RAB9B: variants seen among roughly 807,000 people sequenced by gnomAD.
RAB9B encodes the protein ras-related protein Rab-9B.
RAB9B carries 1 observed loss-of-function variant against 8.9 expected under a neutral mutation model. That is an observed-to-expected ratio of 0.11 (90% CI 0.04 to 0.53). RAB9B has a LOEUF of 0.53. RAB9B is among the 20% of genes least tolerant of loss of function. The probability of loss-of-function intolerance (pLI) is 0.93; values close to 1 mark genes in which losing one functional copy is unlikely to be tolerated. For synonymous variants in RAB9B, 63 were observed against 57.0 expected (o/e 1.10, Z -0.47); for missense variants, 82 against 152.9 (o/e 0.54, Z 2.45).
chrX:103,830,739 T>A (rs188548720), intron 1 of RAB9B, among the ~76,000 whole-genome samples: 2 of 111,675 alleles, frequency 1.8e-5, no homozygotes, highest in Admixed American at 9.5e-5. Context: ...CCACAAAGCC[T>A]TATTCAAATT....
At chrX:103,799,227 T>C in the RAB9B span, among the ~76,000 whole-genome samples, 1 of 110,226 alleles carries the variant, frequency 9.1e-6, no homozygotes, top group Non-Finnish European at 1.9e-5. Flanking sequence ...CACACATAGT[T>C]TTCAGCAGCA....
chrX:103,790,408 G>A, the RAB9B span: 1 of 604,103 alleles, frequency 1.7e-6, no homozygotes, highest in Non-Finnish European at 2.9e-6. Context: ...TGCAGAGCAT[G>A]GGTTTTTCCC....
the RAB9B span, among the ~76,000 whole-genome samples, chrX:103,803,571 A>T: frequency 8.9e-6 from 1 of 112,468 alleles, no homozygotes; most frequent in East Asian, 2.8e-4. Context: ...AGTACTTTAC[A>T]TATTTTTATT....
the RAB9B span, among the ~76,000 whole-genome samples, chrX:103,799,125 A>G: frequency 3.7e-5 from 4 of 109,523 alleles, no homozygotes; most frequent in African/African-American, 1.3e-4. Context: ...TATTTAAAGC[A>G]TATGTTTAAT....
chrX:103,787,434 TG>T, the RAB9B span: 2 of 264,321 alleles, frequency 7.6e-6, no homozygotes, highest in South Asian at 1.3e-4. Context: ...AATGTTCCTA[TG>T]GCAAGGAACA....
the RAB9B span, among the ~76,000 whole-genome samples, chrX:103,797,368 C>G: frequency 4.5e-5 from 5 of 112,293 alleles, no homozygotes; most frequent in African/African-American, 6.5e-5. Context: ...TGAGCCACTG[C>G]TCCCAGCCCC....
chrX:103,808,689 G>A, the RAB9B span, among the ~76,000 whole-genome samples: 1 of 112,708 alleles, frequency 8.9e-6, no homozygotes, highest in Non-Finnish European at 1.9e-5. Context: ...AAACTCTGAG[G>A]GCCCACTCTC....
chrX:103,786,042 C>T, the RAB9B span: 15 of 1,038,180 alleles, frequency 1.4e-5, no homozygotes, highest in Non-Finnish European at 1.9e-5. Context: ...TTCATATTGC[C>T]CAAGTTGGAG....
downstream of RAB9B, among the ~76,000 whole-genome samples, chrX:103,817,640 T>G (rs1031473277): frequency 9.1e-5 from 10 of 110,238 alleles, no homozygotes; most frequent in African/African-American, 3.3e-4. Context: ...TATATAAGTT[T>G]AGTCTATGGC....
chrX:103,796,215 C>T, the RAB9B span, among the ~76,000 whole-genome samples: 1 of 112,272 alleles, frequency 8.9e-6, no homozygotes, highest in Non-Finnish European at 1.9e-5. Flanking sequence ...TGGCTCATGC[C>T]TGTAATCCCA....
chrX:103,779,857 G>A, the RAB9B span: 1 of 112,426 alleles, frequency 8.9e-6, no homozygotes, highest in Non-Finnish European at 1.9e-5. Flanking sequence ...AGCCTTGAAA[G>A]CCATCCCCTG....
chrX:103,804,343 C>A, the RAB9B span, among the ~76,000 whole-genome samples: 1 of 112,197 alleles, frequency 8.9e-6, no homozygotes, highest in Admixed American at 9.4e-5. Flanking sequence ...TCAATTCTAT[C>A]CCATTGACCT....
At chrX:103,819,286 A>T (rs1171029109), downstream of RAB9B, among the ~76,000 whole-genome samples, 1 of 112,022 alleles carries the variant, frequency 8.9e-6, no homozygotes, top group Non-Finnish European at 1.9e-5. Context: ...AAAATTCAGG[A>T]GTGTTATAGT....
the RAB9B span, among the ~76,000 whole-genome samples, chrX:103,816,759 A>G: frequency 1.8e-5 from 2 of 112,384 alleles, no homozygotes; most frequent in African/African-American, 6.5e-5. Flanking sequence ...ACCCCATCAA[A>G]AAGTGGGTGA....
At chrX:103,828,699 C>T (rs1324300764) in intron 1 of RAB9B, among the ~76,000 whole-genome samples, 1 of 112,099 alleles carries the variant, frequency 8.9e-6, no homozygotes, top group Non-Finnish European at 1.9e-5. Context: ...AAACCAAATG[C>T]TCAGCTCCAG....
the RAB9B span, chrX:103,791,951 T>C: frequency 8.9e-6 from 1 of 112,065 alleles, no homozygotes; most frequent in African/African-American, 3.2e-5. Context: ...TGTTAAGAGT[T>C]AGGTTTAACA....
At chrX:103,776,989 C>T in the RAB9B span, 5 of 1,203,541 alleles carry the variant, frequency 4.2e-6, no homozygotes, top group Admixed American at 2.2e-5. Flanking sequence ...GTCAGAGTCC[C>T]AAAGACATGG....
the RAB9B span, chrX:103,791,916 T>G: frequency 8.9e-6 from 1 of 112,344 alleles, no homozygotes; most frequent in Non-Finnish European, 1.9e-5. Flanking sequence ...GGAAAATGAT[T>G]TTACTTAGCA....
chrX:103,806,995 G>A, the RAB9B span, among the ~76,000 whole-genome samples: 228 of 111,931 alleles, frequency 2.0e-3, 2 homozygotes, highest in East Asian at 0.023. Context: ...ATGGGGCAGG[G>A]AGGGGGCGGT....
Sources: gnomAD v4.1 joint callset for allele counts (sites outside exome capture counted in the v4.1 genomes callset) on GRCh38, gnomAD v4.1.1 for gene constraint, MANE v1.5 for transcripts, NCBI Gene and HGNC (gene_info 2026-07-23, HGNC 2026-07-21) for gene names.